Variants in FOXP2 observed in about 807,000 individuals in gnomAD.
FOXP2 encodes forkhead box protein P2.
Under a neutral mutation model 115.8 loss-of-function variants are expected in FOXP2, and 12 were observed. That is an observed-to-expected ratio of 0.10 (90% CI 0.07 to 0.17). The LOEUF (loss-of-function observed/expected upper bound fraction) is 0.17, where lower values mean the gene tolerates loss of function less well. Ranked by LOEUF, FOXP2 falls within the 10% of genes least tolerant of loss-of-function variation. FOXP2 has a pLI of 1.00. For missense variants in FOXP2, 629 were observed against 843.5 expected (o/e 0.75, Z 3.15); for synonymous variants, 328 against 297.7 (o/e 1.10, Z -1.05).
At chr7:114,492,407 T>G (rs899795206) in intron 2 of FOXP2, among the ~76,000 whole-genome samples, 6 of 152,142 alleles carry the variant, frequency 3.9e-5, no homozygotes, top group African/African-American at 1.4e-4. Flanking sequence ...GTATCTCTAT[T>G]TCCTTCAGTT....
intron 3 of FOXP2, among the ~76,000 whole-genome samples, chr7:114,543,684 T>C (rs1584875088): frequency 2.0e-5 from 3 of 152,226 alleles, no homozygotes; most frequent in African/African-American, 7.2e-5. Flanking sequence ...CCAGATCAAC[T>C]TTTTAGCTAC....
At chr7:114,637,365 A>G (rs572895095) in intron 6 of FOXP2, among the ~76,000 whole-genome samples, 1 of 152,310 alleles carries the variant, frequency 6.6e-6, no homozygotes, top group East Asian at 1.9e-4. Context: ...TTAAAATTGC[A>G]TAATTACAAA....
intron 2 of FOXP2, among the ~76,000 whole-genome samples, chr7:114,467,890 A>G (rs1199951999): frequency 6.6e-6 from 1 of 152,122 alleles, no homozygotes; most frequent in Non-Finnish European, 1.5e-5. Context: ...GAACCTTTCC[A>G]TCACCTGGTA....
intron 2 of FOXP2, among the ~76,000 whole-genome samples, chr7:114,319,947 T>G (rs1365015567): frequency 6.6e-6 from 1 of 152,186 alleles, no homozygotes; most frequent in Non-Finnish European, 1.5e-5. Context: ...AGTGAAATCT[T>G]TAATATTCAG....
intron 3 of FOXP2, among the ~76,000 whole-genome samples, chr7:114,544,381 C>G: frequency 6.6e-6 from 1 of 152,014 alleles, no homozygotes; most frequent in East Asian, 1.9e-4. Flanking sequence ...CAAGCTGTGG[C>G]TAAAGTTTGT....
intron 2 of FOXP2, among the ~76,000 whole-genome samples, chr7:114,350,981 T>C (rs1380461085): frequency 1.3e-5 from 2 of 152,174 alleles, no homozygotes; most frequent in Non-Finnish European, 1.5e-5. Context: ...GAGTGCCTAA[T>C]ACAATGTAAA....
chr7:114,691,627 A>C lies in FOXP2; in HGVS notation c.*1701A>C, dbSNP rs886061929. The C allele has an allele frequency of 4.4e-6, 2 of 453,984 alleles. No homozygotes were observed. Among genetic ancestry groups the C allele is most frequent in the Non-Finnish European group, 8.8e-6 (2 of 226,758 alleles). 28.1% of individuals were successfully genotyped at this position (453,984 alleles called of 1,614,324 possible). A position where few individuals can be genotyped will look rare whatever the true frequency, so the allele number is the denominator to read the frequency against. ...CTAGAAACTTAACATGTTGCTTTTC[A>C]TGTGCTGTGCCAAGTCTTGATAATA... On this transcript the variant is annotated 3_prime_UTR_variant, in exon 17 of 17. Coordinates refer to ENST00000350908, the MANE Select transcript of FOXP2 (RefSeq NM_014491.4).
At chr7:114,408,393 A>G (rs1793083167) in intron 2 of FOXP2, among the ~76,000 whole-genome samples, 2 of 152,264 alleles carry the variant, frequency 1.3e-5, no homozygotes, top group Admixed American at 6.5e-5. Context: ...CACATAATAG[A>G]TAACTGTTCA....
chr7:114,318,405 A>G (rs1299573849), intron 2 of FOXP2, among the ~76,000 whole-genome samples: 2 of 111,030 alleles, frequency 1.8e-5, no homozygotes, highest in Non-Finnish European at 4.0e-5. Flanking sequence ...TTTGGAGAGT[A>G]TGATTTTTAT....
chr7:114,444,548 T>C (rs1184329852), intron 2 of FOXP2, among the ~76,000 whole-genome samples: 1 of 152,178 alleles, frequency 6.6e-6, no homozygotes, highest in Non-Finnish European at 1.5e-5. Flanking sequence ...TAGTACAGCT[T>C]TATTAATTGG....
chr7:114,453,502 G>T (rs1400358177), intron 2 of FOXP2, among the ~76,000 whole-genome samples: 1 of 151,908 alleles, frequency 6.6e-6, no homozygotes, highest in East Asian at 1.9e-4. Context: ...CAGTTTATTT[G>T]TATATTCCTT....
rs555761917 is a variant in FOXP2 at position 114,214,255 on chromosome 7, G to A, written c.-102+51167G>A. On this transcript the variant is annotated intron_variant, in intron 1 of 17. Coordinates refer to the FOXP2 transcript ENST00000634411. The stretch of plus-strand genomic sequence containing the variant: ...GACTACCTTAAGGTCACTCTCAGGG[G>A]CAGAGTATAAAACCAAGCAATTTGA... 3.9e-5 allele frequency among the ~76,000 whole-genome samples: 6 copies of A among 152,196 alleles called. No homozygotes were observed. In the South Asian group the frequency reaches 1.2e-3, roughly 32 times the overall value.
At chr7:114,190,419 G>T (rs1257350795) in intron 1 of FOXP2, among the ~76,000 whole-genome samples, 1 of 152,132 alleles carries the variant, frequency 6.6e-6, no homozygotes, top group East Asian at 1.9e-4. Context: ...CCTGCTCTTG[G>T]ACATCAGTGC....
intron 2 of FOXP2, among the ~76,000 whole-genome samples, chr7:114,352,732 A>G (rs1791523283): frequency 6.6e-6 from 1 of 152,102 alleles, no homozygotes; most frequent in Non-Finnish European, 1.5e-5. Context: ...TGACCCTATA[A>G]ACATCCTGTC....
chr7:114,491,409 CT>C (rs1797045946), intron 2 of FOXP2, among the ~76,000 whole-genome samples: 1 of 151,974 alleles, frequency 6.6e-6, no homozygotes, highest in African/African-American at 2.4e-5. Flanking sequence ...GATATTAGCC[CT>C]TTGTCAGATG....
chr7:114,563,949 T>A (rs2129292462), intron 3 of FOXP2, among the ~76,000 whole-genome samples: 1 of 152,292 alleles, frequency 6.6e-6, no homozygotes, highest in African/African-American at 2.4e-5. Flanking sequence ...TTTTTTCATG[T>A]AACTGCTACT....
At chr7:114,404,465 A>G (rs754604506) in intron 2 of FOXP2, among the ~76,000 whole-genome samples, 3 of 152,116 alleles carry the variant, frequency 2.0e-5, no homozygotes, top group Non-Finnish European at 4.4e-5. Context: ...TCCCTTATAT[A>G]TGAAGATCTA....
intron 2 of FOXP2, among the ~76,000 whole-genome samples, chr7:114,346,333 A>G (rs1308173420): frequency 1.3e-5 from 2 of 151,906 alleles, no homozygotes; most frequent in African/African-American, 2.4e-5. Flanking sequence ...TAGCCATGAT[A>G]TAGAATCAAC....
chr7:114,370,171 C>T (rs1362599756), intron 2 of FOXP2, among the ~76,000 whole-genome samples: 14 of 152,130 alleles, frequency 9.2e-5, no homozygotes, highest in Admixed American at 9.2e-4. Context: ...TTTTTTCCCC[C>T]TTACTTTCAA....
Sources: gnomAD v4.1 joint callset for allele counts (sites outside exome capture counted in the v4.1 genomes callset) on GRCh38, gnomAD v4.1.1 for gene constraint, MANE v1.5 for transcripts, NCBI Gene and HGNC (gene_info 2026-07-23, HGNC 2026-07-21) for gene names.